TARM1: variants seen among roughly 807,000 people sequenced by gnomAD.
TARM1 encodes T-cell-interacting, activating receptor on myeloid cells protein 1.
A neutral mutation model predicts 30.4 loss-of-function variants in TARM1; 24 were observed. The ratio of observed to expected loss-of-function variants is 0.79; its 90% confidence interval spans 0.57 to 1.11. The LOEUF (loss-of-function observed/expected upper bound fraction) is 1.11. TARM1 is among the 50% of genes least tolerant of loss of function. TARM1 has a pLI of 0.00. For synonymous variants in TARM1, 129 were observed against 138.9 expected (o/e 0.93, Z 0.50); for missense variants, 323 against 332.8 (o/e 0.97, Z 0.23).
chr19:54,080,136 G>A (rs1215926976), intron 1 of TARM1, among the ~76,000 whole-genome samples: 56,188 of 62,042 alleles, frequency 0.91, 25,725 homozygotes, highest in Middle Eastern at 0.97. Context: ...AGGAAGGAAG[G>A]AAGAAAGCAA....
chr19:54,074,808 G>A lies in TARM1; in HGVS notation c.361+16C>T, dbSNP rs141499760. ...CCCTGTCCCCCGTATGTCATTGGCAGGCACCCTGTCTGTACCTGTCACCAA... is the reference window on the plus strand; with the variant it reads ...CCCTGTCCCCCGTATGTCATTGGCAAGCACCCTGTCTGTACCTGTCACCAA... On this transcript the variant is annotated intron_variant, in intron 3 of 4. Coordinates refer to ENST00000432826, the MANE Select transcript of TARM1 (RefSeq NM_001135686.3). 145 of 1,547,712 alleles carry A rather than the reference G, an allele frequency of 9.4e-5. No homozygotes were observed. The highest frequency in any genetic ancestry group is 1.2e-4 in the Non-Finnish European group (141 of 1,143,906).
chr19:54,074,685 G>T, intron 3 of TARM1, 139 bp downstream of exon 3: 2 of 904,140 alleles, frequency 2.2e-6, no homozygotes, highest in Non-Finnish European at 3.3e-6. Context: ...ACCAACATAT[G>T]CAATTTCGTT....
chr19:54,073,273 G>A (rs1209118172), intron 4 of TARM1, among the ~76,000 whole-genome samples: 3 of 151,516 alleles, frequency 2.0e-5, no homozygotes, highest in Non-Finnish European at 4.4e-5. Context: ...AGCCGGATGG[G>A]TGGTGCAGGC....
chr19:54,071,351 C>T (rs1345781380), intron 4 of TARM1, among the ~76,000 whole-genome samples: 1 of 152,124 alleles, frequency 6.6e-6, no homozygotes, highest in Non-Finnish European at 1.5e-5. Context: ...CGTTTATTTG[C>T]TCTTTATCCC....
chr19:54,080,154 AGCAAGC>A lies in TARM1; in HGVS notation c.34+1147_34+1152del, dbSNP rs1213028755. Among the ~76,000 whole-genome samples the A allele has an allele frequency of 1.8e-5, 2 of 111,794 alleles. 1 individual carries two copies. Among genetic ancestry groups the A allele is most frequent in the Non-Finnish European group, 3.9e-5 (2 of 51,330 alleles). 73.3% of individuals were successfully genotyped at this position (111,794 alleles called of 152,430 possible). A position where few individuals can be genotyped will look rare whatever the true frequency, so the allele number is the denominator to read the frequency against. On this transcript the variant is annotated intron_variant, in intron 1 of 4. Transcript: ENST00000432826. Reference sequence around the variant, plus strand: ...AAGGAAGGAAGAAAGCAAGCAAGCAAGCAAGCAAGCAAGCAAGCAAGCAAGCAAGCA... The same window carrying A: ...AAGGAAGGAAGAAAGCAAGCAAGCAAAAGCAAGCAAGCAAGCAAGCAAGCA...
Position 54,074,897 on chromosome 19 carries a change from G to A in TARM1, c.288C>T (p.Thr96=), listed in dbSNP as rs759206942. ...GGGATGCTTTTCTGTAGTATTCACA[G>A]GTGTACTCTCCAGCATTTCTGACTT... ...NLKVRNAGEY[T]CEYYRKASPH... Residue 96 remains threonine (T), a synonymous_variant, in exon 3 of 5, where the codon ACC becomes ACT. Transcript: ENST00000432826. 13 of 1,551,610 alleles carry A rather than the reference G, an allele frequency of 8.4e-6. No individual in the cohort carries two copies. The highest frequency in any genetic ancestry group is 8.3e-5 in the South Asian group (7 of 84,054).
At chr19:54,075,184 T>TTAC in intron 2 of TARM1, 70 bp from the exon 3 acceptor site, 1 of 1,012,516 alleles carries the variant, frequency 9.9e-7, no homozygotes, top group South Asian at 2.3e-5. Flanking sequence ...TTTTTAAAAT[T>TTAC]TATTATTATT....
Position 54,075,114 on chromosome 19 carries a change from C to T in TARM1, c.71G>A (p.Gly24Glu). 5 of 1,550,546 alleles carry T rather than the reference C, an allele frequency of 3.2e-6. No homozygotes were observed. The highest frequency in any genetic ancestry group is 1.2e-5 in the South Asian group (1 of 84,022). Residue 24 changes from glycine (G) to glutamate (E), a missense_variant and splice_region_variant, in exon 3 of 5, where the codon GGG becomes GAG. Physicochemically the swap from Gly to Glu is moderately conservative, Grantham distance 98. Transcript: ENST00000432826. Reference protein sequence around the residue: ...CVGQGDTRGDGSLPKPSLSAW... With the variant: ...CVGQGDTRGDESLPKPSLSAW... ...ACTGAGGGACGGCTTGGGCAGTGAC[C>T]CTGGAAGGAAGCAGAGCCTGATGCT...
intron 1 of TARM1, among the ~76,000 whole-genome samples, chr19:54,077,078 G>A (rs1222728889): frequency 6.6e-6 from 1 of 151,930 alleles, no homozygotes; most frequent in Non-Finnish European, 1.5e-5. Flanking sequence ...GACAGGGCTG[G>A]GCTGGTTAAG....
Position 54,074,914 on chromosome 19 carries a change from T to A in TARM1, c.271A>T (p.Asn91Tyr). The change falls in exon 3 of 5, where the codon AAT becomes TAT. Residue 91 changes from asparagine to tyrosine, a missense_variant. Coordinates refer to ENST00000432826, the MANE Select transcript of TARM1 (RefSeq NM_001135686.3). ...EFHLNNLKVR[N>Y]AGEYTCEYYR... ...TATTCACAGGTGTACTCTCCAGCAT[T>A]TCTGACTTTTAGATTATTGAGGTGA... 1 of 1,551,588 alleles carries A rather than the reference T, an allele frequency of 6.4e-7. No individual in the cohort carries two copies. The highest frequency in any genetic ancestry group is 8.7e-7 in the Non-Finnish European group (1 of 1,146,978).
At chr19:54,075,214 G>T (rs1391905158) in intron 2 of TARM1, 100 bp from the exon 3 acceptor site, 5 of 1,037,546 alleles carry the variant, frequency 4.8e-6, no homozygotes, top group Non-Finnish European at 6.6e-6. Context: ...TTGAGATGGA[G>T]TCTCCCTCTG....
At chr19:54,078,528 G>A (rs887774202) in intron 1 of TARM1, among the ~76,000 whole-genome samples, 26 of 151,936 alleles carry the variant, frequency 1.7e-4, no homozygotes, top group African/African-American at 4.8e-4. Context: ...ACAGGCGCCC[G>A]CCACCACGCA....
Position 54,073,559 on chromosome 19 carries a change from T to A in TARM1, c.658+361A>T, listed in dbSNP as rs189492396. 6.6e-5 allele frequency among the ~76,000 whole-genome samples: 10 copies of A among 151,506 alleles called. No individual in the cohort carries two copies. In the East Asian group the frequency reaches 2.0e-3, roughly 30 times the overall value. The stretch of plus-strand genomic sequence containing the variant: ...CCCAGGCTGGAGTGCAGTGGCAAGA[T>A]CTTGGCTCACTGCAACCTCCGCCTC... On this transcript the variant is annotated intron_variant, in intron 4 of 4. Coordinates refer to ENST00000432826, the MANE Select transcript of TARM1 (RefSeq NM_001135686.3).
chr19:54,080,124 G>A (rs187436752), intron 1 of TARM1, among the ~76,000 whole-genome samples: 9,265 of 30,158 alleles, frequency 0.31, 2,026 homozygotes, highest in African/African-American at 0.49. Flanking sequence ...AGGAAGGAAG[G>A]AAGGAAGGAA....
intron 4 of TARM1, among the ~76,000 whole-genome samples, chr19:54,073,215 C>T (rs753571724): frequency 4.1e-4 from 62 of 151,822 alleles, no homozygotes; most frequent in Non-Finnish European, 8.2e-4. Context: ...TCAAGACCAG[C>T]CTGGTCAACA....
intron 1 of TARM1, among the ~76,000 whole-genome samples, chr19:54,080,312 G>A (rs2072089153): frequency 6.6e-6 from 1 of 150,888 alleles, no homozygotes; most frequent in Non-Finnish European, 1.5e-5. Context: ...TACGAAAAAA[G>A]CCGGGCATGG....
chr19:54,073,486 G>GTTTTTGT (rs1335615863), intron 4 of TARM1, among the ~76,000 whole-genome samples: 1 of 147,468 alleles, frequency 6.8e-6, no homozygotes, highest in African/African-American at 2.5e-5. Flanking sequence ...TGTTGTTTTT[G>GTTTTTGT]TTTTTGTTTT....
chr19:54,070,428 T>A (rs7251126), intron 4 of TARM1, among the ~76,000 whole-genome samples: 6,353 of 151,412 alleles, frequency 0.042, 432 homozygotes, highest in African/African-American at 0.14. Flanking sequence ...GCCCGGCTAA[T>A]TTTATATTTT....
At position 54,074,188 on chromosome 19, in the gene TARM1, G is replaced by A; in HGVS notation, c.390C>T (p.Thr130=). The change falls in exon 4 of 5, where the codon ACC becomes ACT. Residue 130 remains threonine, a synonymous_variant. Transcript: ENST00000432826. ...TGHLSKPFLR[T]YQRGTVTAGG... is the part of the protein sequence containing the mutation. ...CTGCGGTCACTGTACCCCTTTGGTAGGTTCGGAGGAAAGGTTTAGATAAAT... is the reference window on the plus strand; with the variant it reads ...CTGCGGTCACTGTACCCCTTTGGTAAGTTCGGAGGAAAGGTTTAGATAAAT... 1 of 1,551,626 alleles carries A rather than the reference G, an allele frequency of 6.4e-7. No homozygotes were observed. Among genetic ancestry groups the A allele is most frequent in the Non-Finnish European group, 8.7e-7 (1 of 1,146,944 alleles).
Sources: gnomAD v4.1 joint callset for allele counts (sites outside exome capture counted in the v4.1 genomes callset) on GRCh38, gnomAD v4.1.1 for gene constraint, MANE v1.5 for transcripts, NCBI Gene and HGNC (gene_info 2026-07-23, HGNC 2026-07-21) for gene names.